The following FBXL7 variants were observed in gnomAD, a reference collection of about 807,000 sequenced individuals.
FBXL7 encodes the protein F-box and leucine rich repeat protein 7.
A neutral mutation model predicts 38.3 loss-of-function variants in FBXL7; 12 were observed. The ratio of observed to expected loss-of-function variants is 0.31; its 90% CI spans 0.20 to 0.51. The LOEUF is 0.51. Among genes scored for constraint, FBXL7 ranks in the 20% least tolerant of loss-of-function variants. The pLI, the probability that FBXL7 is intolerant of heterozygous loss-of-function variation, is 0.98. For synonymous variants in FBXL7, 297 were observed against 300.9 expected (o/e 0.99, Z 0.13); for missense variants, 567 against 676.4 (o/e 0.84, Z 1.79).
chr5:15,861,248 C>A (rs1339991167), intron 2 of FBXL7, among the ~76,000 whole-genome samples: 1 of 152,154 alleles, frequency 6.6e-6, no homozygotes, highest in Non-Finnish European at 1.5e-5. Context: ...CCTCACAGAC[C>A]ACATATGCAA....
chr5:15,842,008 T>A (rs750191838), intron 2 of FBXL7, among the ~76,000 whole-genome samples: 2 of 152,136 alleles, frequency 1.3e-5, no homozygotes, highest in Admixed American at 6.5e-5. Context: ...CAACACCACA[T>A]CCCCACTGGG....
chr5:15,772,673 T>TC (rs1736758695), intron 2 of FBXL7, among the ~76,000 whole-genome samples: 1 of 152,170 alleles, frequency 6.6e-6, no homozygotes, highest in Non-Finnish European at 1.5e-5. Context: ...TGGCATATAT[T>TC]ATATAGCACA....
intron 2 of FBXL7, among the ~76,000 whole-genome samples, chr5:15,915,853 A>T (rs530456234): frequency 6.6e-6 from 1 of 152,186 alleles, no homozygotes; most frequent in African/African-American, 2.4e-5. Flanking sequence ...GATGATGAGC[A>T]CTTGAGCAGG....
chr5:15,501,209 C>G (rs1442612410), intron 1 of FBXL7, among the ~76,000 whole-genome samples: 5 of 152,136 alleles, frequency 3.3e-5, no homozygotes, highest in Non-Finnish European at 7.3e-5. Context: ...AACTAAGCAC[C>G]TATCAGTCCT....
At chr5:15,521,110 A>T (rs534841990) in intron 1 of FBXL7, among the ~76,000 whole-genome samples, 1 of 152,236 alleles carries the variant, frequency 6.6e-6, no homozygotes, top group Admixed American at 6.5e-5. Context: ...TAGTTGCCCG[A>T]TCTTGTGCAA....
chr5:15,579,252 C>G (rs77807183), intron 1 of FBXL7, among the ~76,000 whole-genome samples: 3,741 of 152,198 alleles, frequency 0.025, 161 homozygotes, highest in African/African-American at 0.084. Flanking sequence ...AGACTTACTC[C>G]CCCAGGCTGT....
chr5:15,891,040 G>A (rs1740883226), intron 2 of FBXL7, among the ~76,000 whole-genome samples: 1 of 152,074 alleles, frequency 6.6e-6, no homozygotes, highest in Non-Finnish European at 1.5e-5. Flanking sequence ...TGTTTTCTCT[G>A]CATAATTTAT....
At chr5:15,645,866 T>C (rs905215973) in intron 2 of FBXL7, among the ~76,000 whole-genome samples, 3 of 152,354 alleles carry the variant, frequency 2.0e-5, no homozygotes, top group African/African-American at 7.2e-5. Flanking sequence ...AAAACGACAA[T>C]GTTGTTGCCT....
intron 2 of FBXL7, among the ~76,000 whole-genome samples, chr5:15,659,979 C>T (rs1742007760): frequency 6.6e-6 from 1 of 152,162 alleles, no homozygotes; most frequent in Admixed American, 6.5e-5. Flanking sequence ...CTTTTGTAAA[C>T]CAAATGACTA....
intron 3 of FBXL7, among the ~76,000 whole-genome samples, chr5:15,931,067 C>T (rs866480523): frequency 6.6e-6 from 1 of 152,204 alleles, no homozygotes; most frequent in Non-Finnish European, 1.5e-5. Flanking sequence ...TATCCTATCC[C>T]TAGCATGCAG....
chr5:15,755,662 A>G (rs1736279107), intron 2 of FBXL7, among the ~76,000 whole-genome samples: 2 of 152,356 alleles, frequency 1.3e-5, no homozygotes, highest in South Asian at 4.1e-4. Flanking sequence ...TCCAGTAGAA[A>G]TATCCTTGGC....
intron 1 of FBXL7, among the ~76,000 whole-genome samples, chr5:15,510,750 A>C (rs1390711680): frequency 6.6e-6 from 1 of 152,226 alleles, no homozygotes; most frequent in Non-Finnish European, 1.5e-5. Flanking sequence ...GCTATTGCCA[A>C]GTTTATTCCA....
At chr5:15,572,622 T>A (rs1004529991) in intron 1 of FBXL7, among the ~76,000 whole-genome samples, 2 of 152,136 alleles carry the variant, frequency 1.3e-5, no homozygotes, top group African/African-American at 4.8e-5. Flanking sequence ...TGTGCCTCCA[T>A]GTGGGAATTT....
At chr5:15,502,616 C>T (rs1042798783) in intron 1 of FBXL7, among the ~76,000 whole-genome samples, 3 of 152,140 alleles carry the variant, frequency 2.0e-5, no homozygotes, top group Non-Finnish European at 4.4e-5. Context: ...TAGTTTTCAT[C>T]AACTTTCTTC....
chr5:15,592,227 T>C (rs1739501174), intron 1 of FBXL7, among the ~76,000 whole-genome samples: 2 of 152,094 alleles, frequency 1.3e-5, no homozygotes, highest in Admixed American at 1.3e-4. Flanking sequence ...CTTCTATCTG[T>C]CCATCCTCTG....
chr5:15,792,005 A>T (rs1007836214), intron 2 of FBXL7, among the ~76,000 whole-genome samples: 3 of 152,182 alleles, frequency 2.0e-5, no homozygotes, highest in Admixed American at 2.0e-4. Context: ...TTGCAAGCAC[A>T]ACAAGTATTT....
chr5:15,939,568 A>G lies in FBXL7; in HGVS notation c.*2382A>G, dbSNP rs1249369501. 3.3e-5 allele frequency: 5 copies of G among 152,476 alleles called. No homozygotes were observed. In the East Asian group the frequency reaches 9.6e-4, roughly 29 times the overall value. 9.4% of individuals were successfully genotyped at this position (152,476 alleles called of 1,614,324 possible). A position where few individuals can be genotyped will look rare whatever the true frequency, so the allele number is the denominator to read the frequency against. ...TTCTCCCTTGGGGTGGGAATCTATGATGGAGGTTACTGGGGAAACAGCTCA... is the reference window on the plus strand; with the variant it reads ...TTCTCCCTTGGGGTGGGAATCTATGGTGGAGGTTACTGGGGAAACAGCTCA... On this transcript the variant is annotated 3_prime_UTR_variant, in exon 4 of 4. Coordinates refer to ENST00000504595, the MANE Select transcript of FBXL7 (RefSeq NM_012304.5).
chr5:15,768,425 G>A (rs1417685278), intron 2 of FBXL7, among the ~76,000 whole-genome samples: 1 of 152,094 alleles, frequency 6.6e-6, no homozygotes, highest in Admixed American at 6.6e-5. Context: ...CAGCTACTCG[G>A]GAGGCTGAGA....
chr5:15,871,186 C>A (rs1739941993), intron 2 of FBXL7, among the ~76,000 whole-genome samples: 1 of 152,164 alleles, frequency 6.6e-6, no homozygotes. Flanking sequence ...GGAGTGGACC[C>A]CCAGCAAACT....
Sources: allele counts gnomAD v4.1 joint callset (sites outside exome capture counted in the v4.1 genomes callset), GRCh38; gene constraint gnomAD v4.1.1; transcripts MANE v1.5; gene names NCBI Gene and HGNC (gene_info 2026-07-23, HGNC 2026-07-21).